DACH2: variants seen among roughly 807,000 people sequenced by gnomAD.
DACH2 encodes dachshund homolog 2.
A neutral mutation model predicts 35.8 loss-of-function variants in DACH2; 17 were observed. The observed-to-expected ratio is 0.48, with a 90% CI of 0.33 to 0.71. The LOEUF (loss-of-function observed/expected upper bound fraction) is 0.71. Among genes scored for constraint, DACH2 ranks in the 30% least tolerant of loss-of-function variants. DACH2 has a pLI of 0.02. For synonymous variants in DACH2, 195 were observed against 177.3 expected, an observed-to-expected ratio of 1.10 and a Z score of -0.79; for missense variants, 469 against 472.7, an observed-to-expected ratio of 0.99 and a Z score of 0.07.
intron 3 of DACH2, among the ~76,000 whole-genome samples, chrX:86,537,152 G>A (rs766992259): frequency 8.9e-6 from 1 of 111,734 alleles, no homozygotes; most frequent in Non-Finnish European, 1.9e-5. Flanking sequence ...GGCTGCCAAT[G>A]TTTCTAGCTT....
intron 5 of DACH2, among the ~76,000 whole-genome samples, chrX:86,704,912 A>G (rs753605006): frequency 1.8e-5 from 2 of 109,768 alleles, no homozygotes; most frequent in Admixed American, 2.0e-4. Flanking sequence ...TACCCAGAGG[A>G]AAAGAAGTCA....
At chrX:86,511,661 T>C (rs757341025) in intron 2 of DACH2, among the ~76,000 whole-genome samples, 90 of 111,949 alleles carry the variant, frequency 8.0e-4, no homozygotes, top group African/African-American at 2.9e-3. Context: ...CCTAGCATTA[T>C]ACCACACACA....
At chrX:86,636,875 TA>T (rs1405419719) in intron 3 of DACH2, among the ~76,000 whole-genome samples, 1 of 108,682 alleles carries the variant, frequency 9.2e-6, no homozygotes, top group African/African-American at 3.4e-5. Context: ...TTAATTAAAC[TA>T]AGAGCTTCTG....
chrX:86,628,384 A>G (rs890194871), intron 3 of DACH2, among the ~76,000 whole-genome samples: 3 of 112,125 alleles, frequency 2.7e-5, no homozygotes, highest in Non-Finnish European at 5.6e-5. Flanking sequence ...TCAGATAGGC[A>G]TACAGGTAGC....
chrX:86,587,256 G>A (rs1044895125), intron 3 of DACH2, among the ~76,000 whole-genome samples: 5 of 111,512 alleles, frequency 4.5e-5, no homozygotes, highest in Admixed American at 9.6e-5. Context: ...TTTCTACATC[G>A]AATTTGTCTC....
At chrX:86,464,518 A>G (rs1436434869) in intron 2 of DACH2, among the ~76,000 whole-genome samples, 1 of 110,236 alleles carries the variant, frequency 9.1e-6, no homozygotes. Flanking sequence ...AGGGCCTGTC[A>G]GGGGTTGTGG....
intron 2 of DACH2, among the ~76,000 whole-genome samples, chrX:86,402,136 G>T (rs919854196): frequency 1.8e-5 from 2 of 111,538 alleles, no homozygotes; most frequent in Admixed American, 9.6e-5. Flanking sequence ...AGACAAAGAT[G>T]CCCACTCTCA....
intron 6 of DACH2, among the ~76,000 whole-genome samples, chrX:86,717,930 C>T (rs367722792): frequency 1.3e-4 from 14 of 107,944 alleles, no homozygotes; most frequent in Non-Finnish European, 2.3e-4. Flanking sequence ...ATAGGTTGAT[C>T]GTATATCATT....
intron 3 of DACH2, among the ~76,000 whole-genome samples, chrX:86,562,481 A>T (rs1049041524): frequency 9.0e-6 from 1 of 111,341 alleles, no homozygotes; most frequent in Admixed American, 9.6e-5. Context: ...TTAACCAGAC[A>T]GTATATCTAA....
intron 6 of DACH2, among the ~76,000 whole-genome samples, chrX:86,717,682 A>T (rs953017215): frequency 2.8e-5 from 3 of 106,501 alleles, no homozygotes; most frequent in Non-Finnish European, 3.8e-5. Context: ...ACACAAACAA[A>T]TGATGAAATT....
chrX:86,399,053 A>T (rs1026095879), intron 2 of DACH2, among the ~76,000 whole-genome samples: 3 of 111,673 alleles, frequency 2.7e-5, no homozygotes, highest in Non-Finnish European at 5.6e-5. Flanking sequence ...GACTTGCTTT[A>T]TGAATCTCGG....
At chrX:86,400,616 A>G (rs1387728308) in intron 2 of DACH2, among the ~76,000 whole-genome samples, 1 of 111,840 alleles carries the variant, frequency 8.9e-6, no homozygotes, top group Non-Finnish European at 1.9e-5. Context: ...CCTCAGCTGC[A>G]GGTCTGTTGG....
intron 1 of DACH2, among the ~76,000 whole-genome samples, chrX:86,259,752 TA>T (rs892561078): frequency 8.9e-6 from 1 of 112,052 alleles, no homozygotes; most frequent in Admixed American, 9.5e-5. Flanking sequence ...TAAGACTGGA[TA>T]AAACTTAAGT....
At chrX:86,592,583 A>G (rs868407218) in intron 3 of DACH2, among the ~76,000 whole-genome samples, 5 of 111,831 alleles carry the variant, frequency 4.5e-5, no homozygotes, top group South Asian at 3.7e-4. Context: ...TTTGATTGGG[A>G]TTGTGTTGAA....
intron 1 of DACH2, among the ~76,000 whole-genome samples, chrX:86,301,804 G>A (rs1026870786): frequency 2.7e-5 from 3 of 111,859 alleles, no homozygotes; most frequent in African/African-American, 9.7e-5. Context: ...TATATTAATT[G>A]TCCTGAATAT....
intron 4 of DACH2, among the ~76,000 whole-genome samples, chrX:86,682,278 G>A: frequency 8.9e-6 from 1 of 111,954 alleles, no homozygotes; most frequent in South Asian, 3.7e-4. Context: ...TCAGTTAAAA[G>A]CACTTATATG....
intron 4 of DACH2, among the ~76,000 whole-genome samples, chrX:86,679,854 C>T (rs5968967): frequency 0.04 from 4,423 of 110,808 alleles, 224 homozygotes; most frequent in African/African-American, 0.14. Flanking sequence ...CTGAGCTTAA[C>T]GGTCATTATG....
At chrX:86,295,479 AC>A (rs1488767214) in intron 1 of DACH2, among the ~76,000 whole-genome samples, 1 of 110,747 alleles carries the variant, frequency 9.0e-6, no homozygotes, top group Non-Finnish European at 1.9e-5. Flanking sequence ...CCAGTTTAAC[AC>A]TTCGGCTTGC....
chrX:86,268,563 C>A (rs751943627), intron 1 of DACH2, among the ~76,000 whole-genome samples: 3 of 96,421 alleles, frequency 3.1e-5, no homozygotes, highest in Admixed American at 2.4e-4. Flanking sequence ...GAGATGGAGT[C>A]TTGCTCTCTC....
Sources: allele counts gnomAD v4.1 joint callset (sites outside exome capture counted in the v4.1 genomes callset), GRCh38; gene constraint gnomAD v4.1.1; transcripts MANE v1.5; gene names NCBI Gene and HGNC (gene_info 2026-07-23, HGNC 2026-07-21).